The following ANKRD18B variants were observed in gnomAD, a reference collection of about 807,000 sequenced individuals.
ANKRD18B encodes ankyrin repeat domain 18B.
ANKRD18B carries 75 observed loss-of-function variants against 111.8 expected under a neutral mutation model. The ratio of observed to expected loss-of-function variants is 0.67; its 90% confidence interval spans 0.56 to 0.81. The LOEUF is 0.81. ANKRD18B is among the 40% of genes least tolerant of loss of function. The pLI, the probability that ANKRD18B is intolerant of heterozygous loss-of-function variation, is 0.00. For synonymous variants in ANKRD18B, 356 were observed against 417.3 expected (o/e 0.85, Z 1.79); for missense variants, 1,038 against 1,225.5 (o/e 0.85, Z 2.28).
intron 8 of ANKRD18B, 52 bp from the exon 9 acceptor site, chr9:33,541,095 G>A: frequency 1.3e-6 from 2 of 1,534,344 alleles, no homozygotes; most frequent in Non-Finnish European, 1.8e-6. Context: ...TAAGGAGGCA[G>A]AGGGATGATG....
chr9:33,530,605 A>T (rs902268045), intron 3 of ANKRD18B, among the ~76,000 whole-genome samples: 22 of 151,976 alleles, frequency 1.4e-4, no homozygotes, highest in African/African-American at 5.1e-4. Flanking sequence ...AGTGCAGGAT[A>T]TAAATTCCCG....
At chr9:33,547,044 G>A (rs151114793) in intron 10 of ANKRD18B, among the ~76,000 whole-genome samples, 141 of 152,236 alleles carry the variant, frequency 9.3e-4, no homozygotes, top group African/African-American at 3.3e-3. Flanking sequence ...AAGGCAGTGG[G>A]GAAAAGAATA....
chr9:33,547,939 A>T lies in ANKRD18B; in HGVS notation c.1151A>T (p.Asp384Val). The T allele has an allele frequency of 7.0e-7, 1 of 1,419,602 alleles. No homozygotes were observed. The highest frequency in any genetic ancestry group is 1.7e-5 in the South Asian group (1 of 58,520). 87.9% of individuals were successfully genotyped at this position (1,419,602 alleles called of 1,614,324 possible). The part of the protein sequence containing the change: ...LERSENKQPQ[D>V]SQSYGKKKDE... ...AAAAATTTGTTTTGTTTTATTTAGG[A>T]TTCTCAAAGTTATGGAAAAAAGAAG... The change falls in exon 11 of 19, where the codon GAT (aspartate) becomes GTT (valine). Residue 384 changes from aspartate (D) to valine (V), a missense_variant and splice_region_variant. By Grantham distance (152) the Asp-to-Val change is radical. Transcript: ENST00000684830.
In ANKRD18B at chr9:33,564,180, G is replaced by A. The variant is rs193079261; in HGVS notation, c.2461-2039G>A. ...TTTCTATGTTGCTCAGGCTGCTCTG[G>A]AACTTTTGGCTTCAAGTGATTCTCC... On this transcript the variant is annotated intron_variant, in intron 14 of 18. Transcript: ENST00000684830. Among the ~76,000 whole-genome samples the A allele has an allele frequency of 1.7e-3, 255 of 152,290 alleles. 1 individual carries two copies. The highest frequency in any genetic ancestry group is 5.8e-3 in the African/African-American group (240 of 41,564).
rs1488167632 is a variant in ANKRD18B, at chr9:33,548,535, A to C, written c.1747A>C (p.Lys583Gln). ...TTTAGAAAGTGTACAGCTGGACCTA[A>C]AGCAAGCGCAGCATCGAATAAAGGA... Reference protein sequence around the residue: ...LALESVQLDLKQAQHRIKEMK... With the variant: ...LALESVQLDLQQAQHRIKEMK... Residue 583 changes from lysine (K) to glutamine (Q), a missense_variant, in exon 11 of 19, where the codon AAG (lysine) becomes CAG (glutamine). Coordinates refer to ENST00000684830, the MANE Select transcript of ANKRD18B (RefSeq NM_001393611.1). 6 of 1,551,024 alleles carry C rather than the reference A, an allele frequency of 3.9e-6. No homozygotes were observed. The highest frequency in any genetic ancestry group is 5.2e-6 in the Non-Finnish European group (6 of 1,146,586).
At chr9:33,572,222 C>CATTATAAGAACAT in intron 18 of ANKRD18B, 94 bp from the exon 19 acceptor site, 1 of 931,096 alleles carries the variant, frequency 1.1e-6, no homozygotes, top group Non-Finnish European at 1.7e-6. Context: ...TTCTTATTAA[C>CATTATAAGAACAT]TCTGATAATG....
At chr9:33,525,758 A>G (rs953303374) in intron 1 of ANKRD18B, among the ~76,000 whole-genome samples, 1 of 150,004 alleles carries the variant, frequency 6.7e-6, no homozygotes, top group Non-Finnish European at 1.5e-5. Flanking sequence ...TTTTACTAAT[A>G]TATAAAAATA....
intron 3 of ANKRD18B, among the ~76,000 whole-genome samples, chr9:33,531,338 T>C (rs1828113553): frequency 6.6e-6 from 1 of 152,166 alleles, no homozygotes; most frequent in South Asian, 2.1e-4. Context: ...CACATGCAAA[T>C]ACTTGGTTTA....
chr9:33,551,370 A>C (rs917794986), intron 12 of ANKRD18B, among the ~76,000 whole-genome samples: 2 of 152,226 alleles, frequency 1.3e-5, no homozygotes, highest in Non-Finnish European at 2.9e-5. Context: ...TCTGAAAAGC[A>C]ATCCTACATC....
chr9:33,547,110 C>A (rs1828368170), intron 10 of ANKRD18B, among the ~76,000 whole-genome samples: 1 of 152,180 alleles, frequency 6.6e-6, no homozygotes, highest in Admixed American at 6.5e-5. Context: ...CACAAGGTCA[C>A]ATCCTCTCAA....
At chr9:33,542,816 A>C (rs1021559491) in intron 9 of ANKRD18B, among the ~76,000 whole-genome samples, 2 of 152,192 alleles carry the variant, frequency 1.3e-5, no homozygotes, top group African/African-American at 4.8e-5. Context: ...TGTGCTTAGC[A>C]TGTTGTTAAA....
chr9:33,535,255 C>T (rs576757805), intron 5 of ANKRD18B, among the ~76,000 whole-genome samples: 4 of 151,994 alleles, frequency 2.6e-5, no homozygotes, highest in Non-Finnish European at 5.9e-5. Flanking sequence ...GTGACTCATA[C>T]ACAGAGTCCA....
At chr9:33,538,353 C>G (rs1052188453) in intron 6 of ANKRD18B, among the ~76,000 whole-genome samples, 1 of 152,168 alleles carries the variant, frequency 6.6e-6, no homozygotes, top group South Asian at 2.1e-4. Context: ...TAAGGTGGAA[C>G]CTCATGAGAT....
chr9:33,536,794 A>C, intron 5 of ANKRD18B, 84 bp from the exon 6 acceptor site: 1 of 901,374 alleles, frequency 1.1e-6, no homozygotes, highest in Admixed American at 3.5e-5. Flanking sequence ...TATTGTCTGA[A>C]ATGCTTTAAG....
intron 1 of ANKRD18B, among the ~76,000 whole-genome samples, chr9:33,527,361 G>A (rs1388640642): frequency 6.6e-6 from 1 of 151,558 alleles, no homozygotes; most frequent in Non-Finnish European, 1.5e-5. Flanking sequence ...TCACTCTGTC[G>A]CCTAGGCTGG....
intron 14 of ANKRD18B, among the ~76,000 whole-genome samples, chr9:33,561,497 GTTC>G (rs1828605923): frequency 6.6e-6 from 1 of 152,090 alleles, no homozygotes; most frequent in Non-Finnish European, 1.5e-5. Flanking sequence ...TACCTTTTCA[GTTC>G]TTCATACTGT....
At chr9:33,541,274 G>A in intron 9 of ANKRD18B, 47 bp downstream of exon 9, 1 of 1,521,126 alleles carries the variant, frequency 6.6e-7, no homozygotes, top group Non-Finnish European at 8.8e-7. Context: ...AAGAGACTGG[G>A]AGACAAGGGA....
intron 13 of ANKRD18B, among the ~76,000 whole-genome samples, chr9:33,556,735 G>T (rs1335318142): frequency 6.6e-6 from 1 of 151,956 alleles, no homozygotes; most frequent in Non-Finnish European, 1.5e-5. Context: ...ACCTATTTGT[G>T]TCCTTCTTTA....
At chr9:33,570,967 C>G (rs1432855980) in intron 17 of ANKRD18B, among the ~76,000 whole-genome samples, 8 of 152,132 alleles carry the variant, frequency 5.3e-5, no homozygotes, top group Non-Finnish European at 1.0e-4. Context: ...TAAAACACCA[C>G]CTTTCTAAAA....
Sources: allele counts gnomAD v4.1 joint callset (sites outside exome capture counted in the v4.1 genomes callset), GRCh38; gene constraint gnomAD v4.1.1; transcripts MANE v1.5; gene names NCBI Gene and HGNC (gene_info 2026-07-23, HGNC 2026-07-21).